KATNIP: variants seen among roughly 807,000 people sequenced by gnomAD.
KATNIP encodes the protein katanin interacting protein.
A neutral mutation model predicts 174.0 loss-of-function variants in KATNIP; 126 were observed. The observed-to-expected ratio is 0.72, with a 90% CI of 0.63 to 0.84. The LOEUF is 0.84. Ranked by LOEUF, KATNIP falls within the 40% of genes least tolerant of loss-of-function variation. KATNIP has a pLI of 0.00. For missense variants in KATNIP, 1,958 were observed against 2,109.7 expected, an observed-to-expected ratio of 0.93 and a Z score of 1.41; for synonymous variants, 810 against 835.7, an observed-to-expected ratio of 0.97 and a Z score of 0.53.
At chr16:27,617,435 AC>A (rs962935075) in intron 2 of KATNIP, among the ~76,000 whole-genome samples, 3 of 152,182 alleles carry the variant, frequency 2.0e-5, no homozygotes, top group African/African-American at 7.2e-5. Flanking sequence ...GTCATGGTTC[AC>A]CCCTAAAGTG....
intron 12 of KATNIP, among the ~76,000 whole-genome samples, chr16:27,704,606 A>G (rs1375189810): frequency 6.6e-6 from 1 of 152,184 alleles, no homozygotes; most frequent in Admixed American, 6.5e-5. Flanking sequence ...TTTTTTTTTA[A>G]AACCTAAATG....
At chr16:27,774,923 G>A in intron 23 of KATNIP, 22 bp from the exon 24 acceptor site, 3 of 1,613,604 alleles carry the variant, frequency 1.9e-6, no homozygotes, top group Middle Eastern at 1.7e-4. Flanking sequence ...TTTGGGTTAT[G>A]GCAACTTAGA....
chr16:27,578,398 G>A (rs1283448267), intron 2 of KATNIP, among the ~76,000 whole-genome samples: 1 of 152,110 alleles, frequency 6.6e-6, no homozygotes, highest in African/African-American at 2.4e-5. Context: ...CCCTGTGCCT[G>A]GCCTCTCTGG....
At chr16:27,714,269 T>A (rs1189825922) in intron 13 of KATNIP, among the ~76,000 whole-genome samples, 3 of 152,180 alleles carry the variant, frequency 2.0e-5, no homozygotes, top group Non-Finnish European at 4.4e-5. Flanking sequence ...AATGATCTTG[T>A]TTACATGTAT....
intron 1 of KATNIP, among the ~76,000 whole-genome samples, chr16:27,560,634 GC>G (rs1292467572): frequency 6.6e-6 from 1 of 152,174 alleles, no homozygotes; most frequent in Admixed American, 6.5e-5. Context: ...TGCCAGCTGT[GC>G]CCTTCTTTCA....
At chr16:27,685,112 C>T (rs1422495011) in intron 8 of KATNIP, among the ~76,000 whole-genome samples, 1 of 152,116 alleles carries the variant, frequency 6.6e-6, no homozygotes, top group Non-Finnish European at 1.5e-5. Context: ...GGAGGCCAGG[C>T]GCAGTGGGTC....
At chr16:27,715,968 CATTT>C (rs2079915069) in intron 13 of KATNIP, among the ~76,000 whole-genome samples, 1 of 143,582 alleles carries the variant, frequency 7.0e-6, no homozygotes, top group South Asian at 2.2e-4. Flanking sequence ...TAAAAACATA[CATTT>C]ATTTAAAAAA....
intron 12 of KATNIP, among the ~76,000 whole-genome samples, chr16:27,704,897 CTTTTTTTTCT>C (rs1385110670): frequency 4.2e-4 from 58 of 138,948 alleles, no homozygotes; most frequent in African/African-American, 1.5e-3. Flanking sequence ...TCGTTCTTTT[CTTTTTTTTCT>C]TTTTTTTTTT....
chr16:27,580,884 C>T lies in KATNIP; in HGVS notation c.63+6928C>T, dbSNP rs74394126. On this transcript the variant is annotated intron_variant, in intron 2 of 27. Coordinates refer to ENST00000261588, the MANE Select transcript of KATNIP (RefSeq NM_015202.5). The stretch of plus-strand genomic sequence containing the variant: ...ATTTTTTTATATTTAAAAAGTTATA[C>T]CATCCTATAAGGACCTGGAAAAGCA... Among the ~76,000 whole-genome samples the T allele has an allele frequency of 9.2e-3, 1,401 of 151,942 alleles. 23 individuals are homozygous for T. The highest frequency in any genetic ancestry group is 0.033 in the African/African-American group (1,351 of 41,408).
intron 14 of KATNIP, among the ~76,000 whole-genome samples, chr16:27,735,081 G>A (rs751200385): frequency 1.3e-5 from 2 of 152,224 alleles, no homozygotes; most frequent in Non-Finnish European, 2.9e-5. Context: ...CATGAATGTG[G>A]CTTGTTTGGC....
rs1275099291 is a variant in KATNIP, at chr16:27,550,164, T to C, written c.-7T>C. The C allele has an allele frequency of 6.2e-7, 1 of 1,612,468 alleles. No individual in the cohort carries two copies. Among genetic ancestry groups the C allele is most frequent in the South Asian group, 1.1e-5 (1 of 90,970 alleles). On this transcript the variant is annotated 5_prime_UTR_variant, in exon 1 of 28. Coordinates refer to ENST00000261588, the MANE Select transcript of KATNIP (RefSeq NM_015202.5). ...GGTTCGAGCTCCCGGAACCGCCGCC[T>C]CTAGGGATGGACGGTGAGTGTCTGT...
chr16:27,772,791 C>G (rs1256668623), intron 22 of KATNIP, among the ~76,000 whole-genome samples: 1 of 152,134 alleles, frequency 6.6e-6, no homozygotes, highest in African/African-American at 2.4e-5. Context: ...CGTCCTGTCT[C>G]CTGGGGCCTA....
At chr16:27,642,512 G>A (rs1272545097) in intron 5 of KATNIP, among the ~76,000 whole-genome samples, 1 of 152,086 alleles carries the variant, frequency 6.6e-6, no homozygotes, top group Non-Finnish European at 1.5e-5. Context: ...CCCAGTCGAG[G>A]TAGGAAGACC....
At chr16:27,695,953 A>G (rs2078898232) in intron 8 of KATNIP, among the ~76,000 whole-genome samples, 1 of 152,172 alleles carries the variant, frequency 6.6e-6, no homozygotes, top group African/African-American at 2.4e-5. Flanking sequence ...AAGCAAATGG[A>G]AGCCTTCATA....
chr16:27,590,636 C>T (rs1337535857), intron 2 of KATNIP, among the ~76,000 whole-genome samples: 3 of 152,174 alleles, frequency 2.0e-5, no homozygotes, highest in African/African-American at 7.2e-5. Context: ...AGTCACAGCT[C>T]CTGAAGGCTA....
At chr16:27,630,749 A>G (rs1412679233) in intron 4 of KATNIP, among the ~76,000 whole-genome samples, 1 of 152,218 alleles carries the variant, frequency 6.6e-6, no homozygotes, top group Non-Finnish European at 1.5e-5. Context: ...TCTTGTACCT[A>G]CTGTCCTGAA....
intron 2 of KATNIP, among the ~76,000 whole-genome samples, chr16:27,596,813 A>G (rs923249011): frequency 1.2e-4 from 19 of 152,206 alleles, no homozygotes; most frequent in African/African-American, 4.6e-4. Context: ...ACTTGATGTC[A>G]GGAGTTCAAG....
chr16:27,574,523 C>G (rs2090417842), intron 2 of KATNIP, among the ~76,000 whole-genome samples: 2 of 146,476 alleles, frequency 1.4e-5, no homozygotes, highest in South Asian at 2.2e-4. Context: ...CCTAGGCTTA[C>G]AAGTCACACA....
chr16:27,698,464 C>T lies in KATNIP; in HGVS notation c.1077C>T (p.Leu359=). The part of the protein sequence containing the change: ...VENAALQRAL[L]SRKAEQPASP... ...ACGCAGCCCTGCAGAGGGCGCTCCT[C>T]AGCAGAAAGGCCGAGCAGCCAGCCA... Residue 359 remains leucine (L), a synonymous_variant, in exon 9 of 28, where the codon CTC becomes CTT. Transcript: ENST00000261588. The T allele has an allele frequency of 1.9e-6, 3 of 1,612,160 alleles. No individual in the cohort carries two copies. Among genetic ancestry groups the T allele is most frequent in the Non-Finnish European group, 2.5e-6 (3 of 1,179,150 alleles).
Sources: gnomAD v4.1 joint callset for allele counts (sites outside exome capture counted in the v4.1 genomes callset) on GRCh38, gnomAD v4.1.1 for gene constraint, MANE v1.5 for transcripts, NCBI Gene and HGNC (gene_info 2026-07-23, HGNC 2026-07-21) for gene names.